PARD3B: variants seen among roughly 807,000 people sequenced by gnomAD.
PARD3B encodes partitioning defective 3 homolog B.
In PARD3B, 103 loss-of-function variants were observed where a neutral mutation model predicts 130.2. The observed-to-expected ratio is 0.79, with a 90% CI of 0.67 to 0.93. The LOEUF is 0.93. Among genes scored for constraint, PARD3B ranks in the 40% least tolerant of loss-of-function variants. The pLI, the probability that PARD3B is intolerant of heterozygous loss-of-function variation, is 0.00. For synonymous variants in PARD3B, 583 were observed against 553.2 expected (o/e 1.05, Z -0.76); for missense variants, 1,609 against 1,499.2 (o/e 1.07, Z -1.21).
chr2:204,705,295 A>C (rs1473871458), intron 2 of PARD3B, among the ~76,000 whole-genome samples: 1 of 152,214 alleles, frequency 6.6e-6, no homozygotes, highest in Non-Finnish European at 1.5e-5. Flanking sequence ...TTGTGGGGAA[A>C]GGAGACAGTA....
chr2:204,648,630 ATATAATATATATTATATATATAATATATT>A (rs1559028803), intron 1 of PARD3B, among the ~76,000 whole-genome samples: 11 of 120,530 alleles, frequency 9.1e-5, no homozygotes, highest in Admixed American at 2.1e-4. Flanking sequence ...TATAATTTAT[ATATAATATATATTATATATATAATATATT>A]TATAATATAT....
At chr2:205,384,939 T>C (rs888785156) in intron 18 of PARD3B, among the ~76,000 whole-genome samples, 5 of 152,118 alleles carry the variant, frequency 3.3e-5, no homozygotes. Context: ...TCTAGAAACA[T>C]TCACTAGACT....
intron 18 of PARD3B, among the ~76,000 whole-genome samples, chr2:205,373,894 A>G (rs2044923488): frequency 6.6e-6 from 1 of 152,164 alleles, no homozygotes; most frequent in African/African-American, 2.4e-5. Context: ...GTGTTTAACC[A>G]TTTCAGATCC....
At chr2:205,226,903 G>A (rs1265843863) in intron 15 of PARD3B, among the ~76,000 whole-genome samples, 1 of 152,088 alleles carries the variant, frequency 6.6e-6, no homozygotes, top group African/African-American at 2.4e-5. Context: ...GTGAAGAATA[G>A]CCAAAGCCAT....
chr2:205,411,612 A>G (rs1394922351), intron 19 of PARD3B, among the ~76,000 whole-genome samples: 1 of 152,170 alleles, frequency 6.6e-6, no homozygotes, highest in Non-Finnish European at 1.5e-5. Context: ...TAACCCATAC[A>G]GTAGCCTTTG....
At chr2:205,064,184 A>G (rs529751162) in intron 4 of PARD3B, among the ~76,000 whole-genome samples, 4 of 152,300 alleles carry the variant, frequency 2.6e-5, no homozygotes, top group Admixed American at 2.0e-4. Context: ...CAGTGGAAAA[A>G]CAAGGGACTT....
intron 2 of PARD3B, among the ~76,000 whole-genome samples, chr2:204,947,366 C>T (rs76263772): frequency 0.25 from 37,345 of 151,778 alleles, 4,825 homozygotes; most frequent in African/African-American, 0.27. Flanking sequence ...GAAAAGAACT[C>T]TACATATTCT....
At chr2:205,219,320 A>G (rs534208379) in intron 15 of PARD3B, among the ~76,000 whole-genome samples, 2 of 152,344 alleles carry the variant, frequency 1.3e-5, no homozygotes, top group East Asian at 3.9e-4. Context: ...TGAGTTCACT[A>G]GAGTGTGTGA....
chr2:205,571,961 T>C (rs1002066429), intron 22 of PARD3B, among the ~76,000 whole-genome samples: 2 of 152,200 alleles, frequency 1.3e-5, no homozygotes, highest in African/African-American at 4.8e-5. Context: ...TGAAAGAAAC[T>C]AAACACATGA....
intron 18 of PARD3B, among the ~76,000 whole-genome samples, chr2:205,337,077 GTCTT>G (rs1045930070): frequency 6.7e-6 from 1 of 149,892 alleles, no homozygotes; most frequent in Non-Finnish European, 1.5e-5. Flanking sequence ...CTACATTTTT[GTCTT>G]TCCCTAGACA....
intron 22 of PARD3B, among the ~76,000 whole-genome samples, chr2:205,578,280 G>A (rs997013556): frequency 5.9e-5 from 9 of 152,110 alleles, no homozygotes; most frequent in Non-Finnish European, 1.3e-4. Context: ...ATAACAATGT[G>A]GTAACTAGAG....
At chr2:204,809,670 A>T (rs1245608745) in intron 2 of PARD3B, among the ~76,000 whole-genome samples, 1 of 152,136 alleles carries the variant, frequency 6.6e-6, no homozygotes, top group African/African-American at 2.4e-5. Flanking sequence ...GAAGTCAGGT[A>T]ATGTGATGCC....
At chr2:205,569,572 A>G (rs1418598364) in intron 22 of PARD3B, among the ~76,000 whole-genome samples, 2 of 152,226 alleles carry the variant, frequency 1.3e-5, no homozygotes, top group African/African-American at 2.4e-5. Context: ...TGTTATAACT[A>G]AAAAACACAT....
intron 2 of PARD3B, among the ~76,000 whole-genome samples, chr2:204,737,710 CT>C (rs1346851081): frequency 1.3e-5 from 2 of 152,170 alleles, no homozygotes; most frequent in Non-Finnish European, 2.9e-5. Context: ...AGTTTCAGAT[CT>C]TATATTTAAG....
intron 3 of PARD3B, among the ~76,000 whole-genome samples, chr2:205,006,944 T>C (rs1366519986): frequency 1.3e-5 from 2 of 152,204 alleles, no homozygotes; most frequent in Non-Finnish European, 2.9e-5. Context: ...TATGGTTTTA[T>C]GTCTTAGATT....
Position 205,274,968 on chromosome 2 carries a change from G to A in PARD3B, c.2186-25562G>A, listed in dbSNP as rs949383742. Among the ~76,000 whole-genome samples the A allele has an allele frequency of 6.6e-6, 1 of 152,056 alleles. No homozygotes were observed. The highest frequency in any genetic ancestry group is 1.5e-5 in the Non-Finnish European group (1 of 68,014). Reference sequence around the variant, plus strand: ...TTTTATTGTCCTGTGTTGTAAAGTGGTCTGTGGCTTCAAAGGGCTTTTATT... The same window carrying A: ...TTTTATTGTCCTGTGTTGTAAAGTGATCTGTGGCTTCAAAGGGCTTTTATT... On this transcript the variant is annotated intron_variant, in intron 16 of 22. Transcript: ENST00000406610. This position sits in a 1 kb window ranked among gnomAD's most constrained non-coding sequence, Gnocchi z 4.2.
chr2:204,640,881 G>T (rs1047425413), intron 1 of PARD3B, among the ~76,000 whole-genome samples: 1 of 149,320 alleles, frequency 6.7e-6, no homozygotes, highest in Non-Finnish European at 1.5e-5. Context: ...GCAGAGGGGA[G>T]GAAATTTATA....
Position 205,021,630 on chromosome 2 carries a change from T to TTCTC in PARD3B, c.395-25933_395-25930dup, listed in dbSNP as rs751947350. Among the ~76,000 whole-genome samples, 25 of 142,536 alleles carry TTCTC rather than the reference T, an allele frequency of 1.8e-4. No homozygotes were observed. Among genetic ancestry groups the TTCTC allele is most frequent in the Admixed American group, 7.7e-4 (11 of 14,310 alleles). 93.5% of individuals were successfully genotyped at this position (142,536 alleles called of 152,430 possible). On this transcript the variant is annotated intron_variant, in intron 3 of 22. Coordinates refer to ENST00000406610, the MANE Select transcript of PARD3B (RefSeq NM_001302769.2). This position sits in a 1 kb window ranked among gnomAD's most constrained non-coding sequence, Gnocchi z 4.5. ...TCTCTCTCTCTCTCTCCCTCTCTCTTTCTCTCTCTCTCTCTCTCTCTATAT... is the reference window on the plus strand; with the variant it reads ...TCTCTCTCTCTCTCTCCCTCTCTCTTTCTCTCTCTCTCTCTCTCTCTCTCTATAT...
intron 15 of PARD3B, among the ~76,000 whole-genome samples, chr2:205,205,342 T>G (rs894678935): frequency 2.6e-5 from 4 of 152,218 alleles, no homozygotes; most frequent in Non-Finnish European, 5.9e-5. Flanking sequence ...AAGGGGATTT[T>G]GGGCTGAGAC....
Sources: gnomAD v4.1 joint callset for allele counts (sites outside exome capture counted in the v4.1 genomes callset) on GRCh38, gnomAD v4.1.1 for gene constraint, Gnocchi (gnomAD v3.1) non-coding constraint, MANE v1.5 for transcripts, NCBI Gene and HGNC (gene_info 2026-07-23, HGNC 2026-07-21) for gene names.